EPB41: variants seen among roughly 807,000 people sequenced by gnomAD.
EPB41 encodes erythrocyte membrane protein band 4.1.
EPB41 carries 65 observed loss-of-function variants against 108.0 expected under a neutral mutation model. That is an observed-to-expected ratio of 0.60 (90% CI 0.49 to 0.74). EPB41 has a LOEUF of 0.74. EPB41 is among the 30% of genes least tolerant of loss of function. The pLI is 0.00. For missense variants in EPB41, 875 were observed against 1,037.0 expected (o/e 0.84, Z 2.15); for synonymous variants, 336 against 358.9 (o/e 0.94, Z 0.72).
At chr1:29,010,853 C>G (rs1165458974) in intron 4 of EPB41, among the ~76,000 whole-genome samples, 1 of 152,178 alleles carries the variant, frequency 6.6e-6, no homozygotes, top group Non-Finnish European at 1.5e-5. Context: ...TGGCTCATGC[C>G]TATAATCCCA....
intron 17 of EPB41, among the ~76,000 whole-genome samples, chr1:29,099,643 T>C (rs568612251): frequency 5.1e-4 from 77 of 152,346 alleles, no homozygotes; most frequent in Non-Finnish European, 9.7e-4. Flanking sequence ...TGTCTCTCAC[T>C]TTTGGTAGTT....
At position 29,014,806 on chromosome 1, in the gene EPB41, A is replaced by G. The variant is rs964348695; in HGVS notation, c.830-886A>G. On this transcript the variant is annotated intron_variant, in intron 5 of 20. Transcript: ENST00000343067. ...ATGCAACCAATCTTTTTTGTTTAAC[A>G]TAATTTGGAGTGCTATCCATATCAA... 2.0e-5 allele frequency among the ~76,000 whole-genome samples: 3 copies of G among 152,084 alleles called. No individual in the cohort carries two copies. In the East Asian group the frequency reaches 5.8e-4, roughly 29 times the overall value.
intron 2 of EPB41, among the ~76,000 whole-genome samples, chr1:28,989,065 T>C (rs2095943416): frequency 6.6e-6 from 1 of 152,224 alleles, no homozygotes. Flanking sequence ...TAAATCTTCC[T>C]AAAAGCTGTG....
At chr1:29,002,422 C>T (rs1475968512) in intron 4 of EPB41, among the ~76,000 whole-genome samples, 1 of 151,164 alleles carries the variant, frequency 6.6e-6, no homozygotes, top group African/African-American at 2.4e-5. Flanking sequence ...ACTGCACTTG[C>T]CTGGGTGACA....
chr1:28,993,657 CTTTT>C (rs932117775), intron 3 of EPB41, 115 bp downstream of exon 3: 611 of 552,384 alleles, frequency 1.1e-3, no homozygotes, highest in Non-Finnish European at 1.4e-3. Flanking sequence ...TTTCTTTTTT[CTTTT>C]TTTTTTTTTT....
At chr1:28,897,860 G>T (rs1364044134) in intron 1 of EPB41, among the ~76,000 whole-genome samples, 2 of 152,246 alleles carry the variant, frequency 1.3e-5, no homozygotes, top group Admixed American at 1.3e-4. Flanking sequence ...GCTAGGTTCT[G>T]GGGGCACAAA....
intron 16 of EPB41, among the ~76,000 whole-genome samples, chr1:29,084,244 A>G (rs1025570935): frequency 7.2e-5 from 11 of 152,220 alleles, no homozygotes; most frequent in African/African-American, 2.7e-4. Context: ...CAATCTTATT[A>G]AAAAGTTTAA....
chr1:28,890,726 A>G (rs1324946805), intron 1 of EPB41, among the ~76,000 whole-genome samples: 3 of 152,230 alleles, frequency 2.0e-5, no homozygotes, highest in Non-Finnish European at 4.4e-5. Flanking sequence ...CATGAGGGAA[A>G]TATTATCTTT....
At chr1:29,090,686 G>A (rs1025789757) in intron 16 of EPB41, among the ~76,000 whole-genome samples, 1 of 152,228 alleles carries the variant, frequency 6.6e-6, no homozygotes, top group South Asian at 2.1e-4. Context: ...GGAGGCAGAG[G>A]TTGCAGTGAG....
intron 1 of EPB41, among the ~76,000 whole-genome samples, chr1:28,892,465 T>C (rs903163521): frequency 1.3e-5 from 2 of 152,140 alleles, no homozygotes; most frequent in Non-Finnish European, 2.9e-5. Context: ...CTCAAGCCTA[T>C]AATCCCAGCA....
At chr1:29,070,632 T>TG (rs1417345596) in intron 16 of EPB41, 4 of 1,232,002 alleles carry the variant, frequency 3.2e-6, no homozygotes, top group Admixed American at 8.4e-5. Flanking sequence ...AACAGGGTGC[T>TG]CATCTGAAAT....
intron 12 of EPB41, among the ~76,000 whole-genome samples, chr1:29,057,373 C>CAAAAAAAAAA (rs72047998): frequency 3.1e-5 from 2 of 65,282 alleles, no homozygotes; most frequent in Non-Finnish European, 5.8e-5. Context: ...GACTCTGTCT[C>CAAAAAAAAAA]AAAAAAAAAA....
chr1:28,988,673 C>G (rs532136789), intron 2 of EPB41, among the ~76,000 whole-genome samples: 2 of 152,136 alleles, frequency 1.3e-5, no homozygotes, highest in African/African-American at 4.8e-5. Context: ...AGTTTCTACT[C>G]TAAAAAAATT....
At chr1:29,091,311 C>T (rs540755945) in intron 16 of EPB41, among the ~76,000 whole-genome samples, 17 of 152,306 alleles carry the variant, frequency 1.1e-4, no homozygotes, top group Admixed American at 7.2e-4. Context: ...GCCCAAAGTT[C>T]CTCTCCATGT....
rs549815734 is a variant in EPB41, at chr1:29,098,480, C to T, written c.2313+545C>T. On this transcript the variant is annotated intron_variant, in intron 17 of 20. Coordinates refer to ENST00000343067, the MANE Select transcript of EPB41 (RefSeq NM_001376013.1). ...AAAGTGCTGAGATTATAGGCGTGAG[C>T]CACCACGCCTGGCCTAAATTTTTTT... 5.9e-5 allele frequency among the ~76,000 whole-genome samples: 9 copies of T among 152,144 alleles called. No individual in the cohort carries two copies. The East Asian group carries it at 1.8e-3, about 30-fold the overall frequency.
intron 11 of EPB41, among the ~76,000 whole-genome samples, chr1:29,043,424 C>T (rs1642226635): frequency 6.6e-6 from 1 of 152,200 alleles, no homozygotes. Flanking sequence ...ATGGACCTTT[C>T]TGTGCTGATG....
At chr1:28,944,534 G>GTT (rs55849161) in intron 1 of EPB41, among the ~76,000 whole-genome samples, 3,681 of 97,194 alleles carry the variant, frequency 0.038, 112 homozygotes, top group African/African-American at 0.069. Context: ...CTCAGATCTG[G>GTT]TTTTTTTTTT....
chr1:29,077,784 A>T (rs1654714132), intron 16 of EPB41, among the ~76,000 whole-genome samples: 1 of 152,252 alleles, frequency 6.6e-6, no homozygotes, highest in African/African-American at 2.4e-5. Context: ...AACACATAAA[A>T]TGAATGTGAT....
chr1:29,032,615 A>G (rs2096804104), intron 8 of EPB41, among the ~76,000 whole-genome samples: 1 of 152,222 alleles, frequency 6.6e-6, no homozygotes, highest in African/African-American at 2.4e-5. Flanking sequence ...GACATAGATG[A>G]TTAATATTAC....
Sources: gnomAD v4.1 joint callset for allele counts (sites outside exome capture counted in the v4.1 genomes callset) on GRCh38, gnomAD v4.1.1 for gene constraint, MANE v1.5 for transcripts, NCBI Gene and HGNC (gene_info 2026-07-23, HGNC 2026-07-21) for gene names.